The following FRMD4B variants were observed in gnomAD, a reference collection of about 807,000 sequenced individuals.
FRMD4B encodes the protein FERM domain containing 4B.
In FRMD4B, 74 loss-of-function variants were observed where a neutral mutation model predicts 141.5. The observed-to-expected ratio is 0.52, with a 90% CI of 0.43 to 0.63. FRMD4B has a LOEUF of 0.63. FRMD4B is among the 30% of genes least tolerant of loss of function. The pLI is 0.00. For synonymous variants in FRMD4B, 506 were observed against 467.9 expected (o/e 1.08, Z -1.05); for missense variants, 1,366 against 1,253.4 (o/e 1.09, Z -1.36).
chr3:69,199,763 T>C (rs73835784), intron 11 of FRMD4B, among the ~76,000 whole-genome samples: 2,616 of 152,290 alleles, frequency 0.017, 79 homozygotes, highest in African/African-American at 0.058. Context: ...GTCAGTTTGA[T>C]TGGGAGGAAC....
At chr3:69,395,497 G>C (rs947299946) in intron 2 of FRMD4B, among the ~76,000 whole-genome samples, 2 of 151,998 alleles carry the variant, frequency 1.3e-5, no homozygotes, top group African/African-American at 4.8e-5. Flanking sequence ...TGAGCAACAG[G>C]TTATAAAAAT....
chr3:69,328,732 A>C (rs1027863745), intron 1 of FRMD4B, among the ~76,000 whole-genome samples: 5 of 151,980 alleles, frequency 3.3e-5, no homozygotes, highest in African/African-American at 1.2e-4. Context: ...GCTTTAAGAC[A>C]CTCTCACCAG....
chr3:69,202,759 G>A (rs182282871), intron 11 of FRMD4B, among the ~76,000 whole-genome samples: 1 of 152,250 alleles, frequency 6.6e-6, no homozygotes, highest in East Asian at 1.9e-4. Context: ...CACTCATCTT[G>A]AATCACTAGT....
intron 1 of FRMD4B, among the ~76,000 whole-genome samples, chr3:69,449,926 C>A (rs566379784): frequency 6.6e-6 from 1 of 152,120 alleles, no homozygotes; most frequent in Non-Finnish European, 1.5e-5. Context: ...CTTCTGGAGT[C>A]ATATATTTGG....
intron 1 of FRMD4B, among the ~76,000 whole-genome samples, chr3:69,481,197 C>T (rs373043521): frequency 1.6e-4 from 24 of 152,186 alleles, no homozygotes; most frequent in African/African-American, 4.6e-4. Context: ...CTTCAGCTTG[C>T]GCACGGTGTG....
chr3:69,320,468 C>T (rs748122861), intron 1 of FRMD4B, among the ~76,000 whole-genome samples: 74 of 152,026 alleles, frequency 4.9e-4, no homozygotes, highest in South Asian at 1.9e-3. Context: ...TGGTGTGTGC[C>T]TGTAGTCCCA....
rs146085952 is a variant in FRMD4B, at chr3:69,257,931, A to G, written c.502-7832T>C. Among the ~76,000 whole-genome samples, 965 of 152,288 alleles carry G rather than the reference A, an allele frequency of 6.3e-3. 16 individuals carry two copies. Among genetic ancestry groups the G allele is most frequent in the African/African-American group, 0.022 (931 of 41,566 alleles). On this transcript the variant is annotated intron_variant, in intron 5 of 22. Transcript: ENST00000398540. ...AGCCTCTGCCTCCTGGGTTCAAGCA[A>G]TTATCCTGCCTCAGCCTCCCTAATA... is the stretch of plus-strand genomic sequence containing the variant.
upstream of FRMD4B, among the ~76,000 whole-genome samples, chr3:69,388,741 T>G (rs952102897): frequency 6.6e-6 from 1 of 152,180 alleles, no homozygotes; most frequent in Admixed American, 6.5e-5. Context: ...CGGTGTCTGG[T>G]GAAGGGTAAG....
At chr3:69,422,587 A>G (rs917467364) in intron 2 of FRMD4B, among the ~76,000 whole-genome samples, 6 of 152,160 alleles carry the variant, frequency 3.9e-5, no homozygotes, top group African/African-American at 1.4e-4. Flanking sequence ...ACCAGACAGT[A>G]AATATTTTCA....
At position 69,336,245 on chromosome 3, in the gene FRMD4B, T is replaced by C. The variant is rs1702548483; in HGVS notation, c.163-22728A>G. ...AGGGGCTCATCAGTGGTTCTTGAAG[T>C]GTGGTCTTAGGACTCACAGCAGCAT... On this transcript the variant is annotated intron_variant, in intron 1 of 22. Transcript: ENST00000398540. Among the ~76,000 whole-genome samples the C allele has an allele frequency of 3.3e-5, 5 of 152,180 alleles. No homozygotes were observed. The South Asian group carries it at 1.0e-3, about 32-fold the overall frequency.
intron 1 of FRMD4B, among the ~76,000 whole-genome samples, chr3:69,454,041 C>T (rs552131007): frequency 3.3e-5 from 5 of 152,272 alleles, no homozygotes; most frequent in African/African-American, 1.2e-4. Flanking sequence ...TATACCATCC[C>T]ACAGCCCAGG....
chr3:69,488,774 T>A (rs938307236), intron 1 of FRMD4B, among the ~76,000 whole-genome samples: 9 of 149,984 alleles, frequency 6.0e-5, no homozygotes, highest in African/African-American at 2.2e-4. Context: ...GTGCCTGTAA[T>A]CCCAGCTACT....
At chr3:69,427,641 A>AGGTTTTTT (rs1705105234) in intron 2 of FRMD4B, among the ~76,000 whole-genome samples, 1 of 74,550 alleles carries the variant, frequency 1.3e-5, no homozygotes, top group Non-Finnish European at 2.7e-5. Flanking sequence ...AGCTAGGTAA[A>AGGTTTTTT]TGTTTTTTTT....
intron 2 of FRMD4B, among the ~76,000 whole-genome samples, chr3:69,407,634 T>C (rs1704671417): frequency 6.6e-6 from 1 of 152,236 alleles, no homozygotes; most frequent in African/African-American, 2.4e-5. Context: ...TGGTGTCCAC[T>C]GGGCCAGGGA....
At chr3:69,186,063 C>T (rs2092763223) in intron 19 of FRMD4B, among the ~76,000 whole-genome samples, 1 of 150,850 alleles carries the variant, frequency 6.6e-6, no homozygotes, top group African/African-American at 2.4e-5. Flanking sequence ...AAAGTAAGTG[C>T]TCAATAGAAA....
chr3:69,490,157 G>T (rs1362088384), intron 1 of FRMD4B, among the ~76,000 whole-genome samples: 1 of 152,120 alleles, frequency 6.6e-6, no homozygotes, highest in Admixed American at 6.5e-5. Context: ...GGTGCTGGTT[G>T]CCCTAATATG....
intron 2 of FRMD4B, among the ~76,000 whole-genome samples, chr3:69,429,276 A>AAGTT (rs1705137872): frequency 6.6e-6 from 1 of 152,188 alleles, no homozygotes; most frequent in Non-Finnish European, 1.5e-5. Flanking sequence ...AAATCCCTAA[A>AAGTT]AGTTATGTTA....
chr3:69,530,399 C>T lies in FRMD4B; in HGVS notation c.-129+11807G>A, dbSNP rs564281687. Among the ~76,000 whole-genome samples, 4 of 152,192 alleles carry T rather than the reference C, an allele frequency of 2.6e-5. No homozygotes were observed. The South Asian group carries it at 8.3e-4, about 32-fold the overall frequency. On this transcript the variant is annotated intron_variant, in intron 1 of 5. Coordinates refer to the FRMD4B transcript ENST00000459638. ...GTTGTTAAAAAGAGTCTGGCATGCCCCAACCCTCACCTCTTCCCTCCTCTC... is the reference window on the plus strand; with the variant it reads ...GTTGTTAAAAAGAGTCTGGCATGCCTCAACCCTCACCTCTTCCCTCCTCTC...
intron 11 of FRMD4B, among the ~76,000 whole-genome samples, chr3:69,203,341 A>AAAAG (rs1553700371): frequency 0.13 from 10,052 of 75,304 alleles, 294 homozygotes; most frequent in Middle Eastern, 0.25. Flanking sequence ...AAAAAAAAAA[A>AAAAG]AAAGAAAGAA....
Sources: allele counts gnomAD v4.1 joint callset (sites outside exome capture counted in the v4.1 genomes callset), GRCh38; gene constraint gnomAD v4.1.1; transcripts MANE v1.5; gene names NCBI Gene and HGNC (gene_info 2026-07-23, HGNC 2026-07-21).